AGAP1: variants seen among roughly 807,000 people sequenced by gnomAD.
The protein encoded by AGAP1 is arf-GAP with GTPase, ANK repeat and PH domain-containing protein 1.
In AGAP1, 29 loss-of-function variants were observed where a neutral mutation model predicts 105.3. The ratio of observed to expected loss-of-function variants is 0.28; its 90% CI spans 0.21 to 0.38. The LOEUF (loss-of-function observed/expected upper bound fraction) is 0.38, where lower values mean the gene tolerates loss of function less well. Among genes scored for constraint, AGAP1 ranks in the 10% least tolerant of loss-of-function variants. The pLI is 1.00. For synonymous variants in AGAP1, 509 were observed against 485.9 expected (o/e 1.05, Z -0.63); for missense variants, 998 against 1,165.1 (o/e 0.86, Z 2.09).
chr2:236,024,462 C>T (rs1466517220), intron 13 of AGAP1, among the ~76,000 whole-genome samples: 1 of 152,132 alleles, frequency 6.6e-6, no homozygotes, highest in African/African-American at 2.4e-5. Context: ...CTGTGTGTGC[C>T]TCTGTGCCTC....
rs2057456584 is a variant in AGAP1 at position 236,038,752 on chromosome 2, G to A, written c.1801-1999G>A. ...ATACAGGTATAGGCATAGCTAGACAGACAGACAAACCAACCAACCACAGAA... is the reference window on the plus strand; with the variant it reads ...ATACAGGTATAGGCATAGCTAGACAAACAGACAAACCAACCAACCACAGAA... On this transcript the variant is annotated intron_variant, in intron 14 of 17. Transcript: ENST00000304032. This position sits in a 1 kb window ranked among gnomAD's most constrained non-coding sequence, Gnocchi z 4.5. 6.6e-6 allele frequency among the ~76,000 whole-genome samples: 1 copy of A among 152,088 alleles called. No individual in the cohort carries two copies. Among genetic ancestry groups the A allele is most frequent in the Non-Finnish European group, 1.5e-5 (1 of 68,032 alleles).
At chr2:235,819,789 C>T (rs1160682416) in intron 9 of AGAP1, among the ~76,000 whole-genome samples, 1 of 152,078 alleles carries the variant, frequency 6.6e-6, no homozygotes, top group Non-Finnish European at 1.5e-5. Context: ...CATGTTCTTT[C>T]TCCTGCGTTG....
intron 12 of AGAP1, among the ~76,000 whole-genome samples, chr2:235,966,484 C>T (rs2125334832): frequency 6.6e-6 from 1 of 152,258 alleles, no homozygotes; most frequent in East Asian, 1.9e-4. Flanking sequence ...GGGACAGTGA[C>T]CTGTCCGTGT....
chr2:236,123,326 C>A lies in AGAP1; in HGVS notation c.2371-593C>A, dbSNP rs186235223. ...GAACTCCTGGGCTGAAGTGAACCACCGCACCCAGCTTGTGTTGTGCTTCTG... is the reference window on the plus strand; with the variant it reads ...GAACTCCTGGGCTGAAGTGAACCACAGCACCCAGCTTGTGTTGTGCTTCTG... On this transcript the variant is annotated intron_variant, in intron 17 of 17. Transcript: ENST00000304032. This position sits in a 1 kb window ranked among gnomAD's most constrained non-coding sequence, Gnocchi z 4.6. 6.6e-6 allele frequency among the ~76,000 whole-genome samples: 1 copy of A among 152,042 alleles called. No individual in the cohort carries two copies. The highest frequency in any genetic ancestry group is 1.5e-5 in the Non-Finnish European group (1 of 68,012).
intron 1 of AGAP1, among the ~76,000 whole-genome samples, chr2:235,536,763 C>T (rs976753625): frequency 6.6e-6 from 1 of 152,148 alleles, no homozygotes; most frequent in Admixed American, 6.5e-5. Flanking sequence ...CCAAGTGCAG[C>T]GGTGAACCAG....
intron 13 of AGAP1, among the ~76,000 whole-genome samples, chr2:236,033,587 T>A (rs1042487379): frequency 2.6e-5 from 4 of 152,254 alleles, no homozygotes; most frequent in Non-Finnish European, 5.9e-5. Context: ...TTTATCACTT[T>A]GTGTTCAGTC....
At position 235,988,698 on chromosome 2, in the gene AGAP1, G is replaced by T. The variant is rs1217271929; in HGVS notation, c.1645+20075G>T. ...AAATGGAATCTTAAAGACGAGAAAT[G>T]ATTATTTTTTTCCCGCCGACTCCAC... is the stretch of plus-strand genomic sequence containing the variant. On this transcript the variant is annotated intron_variant, in intron 13 of 17. Coordinates refer to ENST00000304032, the MANE Select transcript of AGAP1 (RefSeq NM_001037131.3). This position sits in a 1 kb window ranked among gnomAD's most constrained non-coding sequence, Gnocchi z 4.7. Among the ~76,000 whole-genome samples the T allele has an allele frequency of 6.6e-6, 1 of 152,142 alleles. No homozygotes were observed. Among genetic ancestry groups the T allele is most frequent in the African/African-American group, 2.4e-5 (1 of 41,434 alleles).
intron 11 of AGAP1, among the ~76,000 whole-genome samples, chr2:235,917,918 G>C (rs2051980622): frequency 1.3e-5 from 2 of 152,146 alleles, no homozygotes; most frequent in East Asian, 3.8e-4. Flanking sequence ...CTGTTTCAGT[G>C]GTAATAGCTA....
In AGAP1 at chr2:235,977,434, T is replaced by C. The variant is rs534158101; in HGVS notation, c.1645+8811T>C. ...CTATTCTAAATCCTCATCTACTCTT[T>C]CTACTTTCCTCAGCTGCATGTATTT... On this transcript the variant is annotated intron_variant, in intron 13 of 17. Coordinates refer to ENST00000304032, the MANE Select transcript of AGAP1 (RefSeq NM_001037131.3). This position sits in a 1 kb window ranked among gnomAD's most constrained non-coding sequence, Gnocchi z 5.2. 2.6e-5 allele frequency among the ~76,000 whole-genome samples: 4 copies of C among 152,218 alleles called. No homozygotes were observed. The highest frequency in any genetic ancestry group is 2.1e-4 in the South Asian group (1 of 4,822).
chr2:235,543,655 G>C (rs1943527627), intron 1 of AGAP1, among the ~76,000 whole-genome samples: 1 of 152,166 alleles, frequency 6.6e-6, no homozygotes, highest in South Asian at 2.1e-4. Context: ...GAGGGCAGGT[G>C]GGGGGTTGAC....
rs375766044 is a variant in AGAP1 at position 235,704,609 on chromosome 2, A to G, written c.164-4570A>G. Among the ~76,000 whole-genome samples, 664 of 149,344 alleles carry G rather than the reference A, an allele frequency of 4.4e-3. 5 individuals carry two copies. Among genetic ancestry groups the G allele is most frequent in the African/African-American group, 0.015 (605 of 40,736 alleles). The stretch of plus-strand genomic sequence containing the variant: ...TGCAGTGAGCCAAGATCGCGCCACT[A>G]CACTCCAGCCTGGCAACAGAGCGAG... On this transcript the variant is annotated intron_variant, in intron 1 of 17. Transcript: ENST00000304032.
chr2:235,511,654 A>G (rs769225777), intron 1 of AGAP1, among the ~76,000 whole-genome samples: 55 of 152,030 alleles, frequency 3.6e-4, no homozygotes, highest in Admixed American at 6.5e-4. Context: ...TCTCCTGGAA[A>G]CTTCTATATA....
intron 1 of AGAP1, among the ~76,000 whole-genome samples, chr2:235,657,195 C>T (rs1001807100): frequency 3.0e-4 from 46 of 152,294 alleles, no homozygotes; most frequent in African/African-American, 1.1e-3. Flanking sequence ...CTGAGTTAGT[C>T]TCCACTTTAT....
rs1050027407 is a variant in AGAP1 at position 235,887,792 on chromosome 2, T to C, written c.1155+4343T>C. ...CACTAATTTAAGAAGCCCAGGTAATTAGTGGACTAAAAAGGAAACTAGCAT... is the reference window on the plus strand; with the variant it reads ...CACTAATTTAAGAAGCCCAGGTAATCAGTGGACTAAAAAGGAAACTAGCAT... On this transcript the variant is annotated intron_variant, in intron 10 of 17. Coordinates refer to ENST00000304032, the MANE Select transcript of AGAP1 (RefSeq NM_001037131.3). The surrounding 1 kb of genome is among the most constrained non-coding windows in gnomAD (Gnocchi z 4.1). Among the ~76,000 whole-genome samples, 2 of 152,210 alleles carry C rather than the reference T, an allele frequency of 1.3e-5. No homozygotes were observed. Among genetic ancestry groups the C allele is most frequent in the African/African-American group, 4.8e-5 (2 of 41,462 alleles).
At chr2:235,632,118 A>G (rs1038345594) in intron 1 of AGAP1, among the ~76,000 whole-genome samples, 10 of 152,190 alleles carry the variant, frequency 6.6e-5, no homozygotes, top group African/African-American at 2.4e-4. Flanking sequence ...TTTCAGACAT[A>G]TGTGGCCAAG....
rs973803704 is a variant in AGAP1 at position 236,109,816 on chromosome 2, C to T, written c.2115-10376C>T. The stretch of plus-strand genomic sequence containing the variant: ...ATTTTGTTTCAATTCACGTCAACAC[C>T]CACGGGCAGCTTACAGCTGCCCCAT... On this transcript the variant is annotated intron_variant, in intron 16 of 17. Transcript: ENST00000304032. This position sits in a 1 kb window ranked among gnomAD's most constrained non-coding sequence, Gnocchi z 5.4. Among the ~76,000 whole-genome samples, 2 of 152,232 alleles carry T rather than the reference C, an allele frequency of 1.3e-5. No individual in the cohort carries two copies. Among genetic ancestry groups the T allele is most frequent in the Non-Finnish European group, 2.9e-5 (2 of 68,050 alleles).
intron 1 of AGAP1, among the ~76,000 whole-genome samples, chr2:235,594,508 C>G (rs1226110175): frequency 6.6e-6 from 1 of 151,978 alleles, no homozygotes; most frequent in Non-Finnish European, 1.5e-5. Flanking sequence ...GGGCCAGGTA[C>G]TGTGTTCAGC....
rs1950953722 is a variant in AGAP1 at position 235,713,561 on chromosome 2, TGAG to T, written c.223-3993_223-3991del. ...GCAAATGAGACAAGGTGCCTGTCCT[TGAG>T]GAATTGTCAGTATTGGAGGAAGCCA... is the stretch of plus-strand genomic sequence containing the variant. On this transcript the variant is annotated intron_variant, in intron 2 of 17. Transcript: ENST00000304032. 2.6e-5 allele frequency among the ~76,000 whole-genome samples: 4 copies of T among 152,226 alleles called. 1 individual carries two copies. Among genetic ancestry groups the T allele is most frequent in the Non-Finnish European group, 5.9e-5 (4 of 68,036 alleles).
chr2:235,543,020 T>C (rs1440790754), intron 1 of AGAP1, among the ~76,000 whole-genome samples: 1 of 151,672 alleles, frequency 6.6e-6, no homozygotes, highest in Non-Finnish European at 1.5e-5. Flanking sequence ...CTTTGGGACC[T>C]GTTTGTCGAG....
Sources: allele counts gnomAD v4.1 joint callset (sites outside exome capture counted in the v4.1 genomes callset), GRCh38; gene constraint gnomAD v4.1.1; non-coding constraint Gnocchi (gnomAD v3.1); transcripts MANE v1.5; gene names NCBI Gene and HGNC (gene_info 2026-07-23, HGNC 2026-07-21).